Variants in TAFA1 observed in about 807,000 individuals in gnomAD.
The protein encoded by TAFA1 is chemokine-like protein TAFA-1.
Under a neutral mutation model 18.5 loss-of-function variants are expected in TAFA1, and 4 were observed. The ratio of observed to expected loss-of-function variants is 0.22; its 90% CI spans 0.11 to 0.49. The LOEUF (loss-of-function observed/expected upper bound fraction) is 0.49. Among genes scored for constraint, TAFA1 ranks in the 20% least tolerant of loss-of-function variants. The pLI, the probability that TAFA1 is intolerant of heterozygous loss-of-function variation, is 0.98. For missense variants in TAFA1, 147 were observed against 169.0 expected (o/e 0.87, Z 0.72); for synonymous variants, 56 against 55.2 (o/e 1.01, Z -0.06).
intron 2 of TAFA1, among the ~76,000 whole-genome samples, chr3:68,338,179 A>G (rs1372075645): frequency 6.6e-6 from 1 of 152,142 alleles, no homozygotes; most frequent in Non-Finnish European, 1.5e-5. Context: ...TTTAATTTTT[A>G]CTTATGTAAT....
intron 2 of TAFA1, among the ~76,000 whole-genome samples, chr3:68,223,087 C>T (rs2066752220): frequency 6.6e-6 from 1 of 152,044 alleles, no homozygotes; most frequent in Non-Finnish European, 1.5e-5. Context: ...TGGAAGAAAG[C>T]AAGTCTTTCA....
At chr3:68,428,613 C>T (rs1192381313) in intron 3 of TAFA1, among the ~76,000 whole-genome samples, 1 of 151,902 alleles carries the variant, frequency 6.6e-6, no homozygotes, top group Non-Finnish European at 1.5e-5. Context: ...GGAACACTCT[C>T]ACCCTCCCCA....
chr3:68,341,192 C>T (rs2069076030), intron 2 of TAFA1, among the ~76,000 whole-genome samples: 1 of 152,134 alleles, frequency 6.6e-6, no homozygotes, highest in Non-Finnish European at 1.5e-5. Context: ...TCAGTCTCTC[C>T]AAGCATTCCA....
intron 2 of TAFA1, among the ~76,000 whole-genome samples, chr3:68,083,181 A>T (rs2106780342): frequency 6.6e-6 from 1 of 152,318 alleles, no homozygotes; most frequent in African/African-American, 2.4e-5. Context: ...AGAGCTTCTA[A>T]AATCAGAGAA....
At chr3:68,254,071 G>C (rs1376187467) in intron 2 of TAFA1, among the ~76,000 whole-genome samples, 3 of 151,994 alleles carry the variant, frequency 2.0e-5, no homozygotes, top group Non-Finnish European at 4.4e-5. Context: ...CTATCTGTCT[G>C]TCTGTCTGTC....
intron 3 of TAFA1, among the ~76,000 whole-genome samples, chr3:68,534,767 T>C (rs559039740): frequency 6.6e-6 from 1 of 152,028 alleles, no homozygotes; most frequent in South Asian, 2.1e-4. Context: ...ATTTAGGAGG[T>C]ATTAATGCTT....
At chr3:68,049,735 G>A (rs942982271) in intron 2 of TAFA1, among the ~76,000 whole-genome samples, 4 of 152,020 alleles carry the variant, frequency 2.6e-5, no homozygotes, top group Admixed American at 2.0e-4. Flanking sequence ...TGGCAACACA[G>A]AAATTGACTG....
chr3:68,254,895 A>G (rs2067269133), intron 2 of TAFA1, among the ~76,000 whole-genome samples: 1 of 152,160 alleles, frequency 6.6e-6, no homozygotes, highest in South Asian at 2.1e-4. Context: ...CAGCCTACAC[A>G]GTACAATAAA....
intron 2 of TAFA1, among the ~76,000 whole-genome samples, chr3:68,263,659 G>T (rs560084122): frequency 6.6e-6 from 1 of 151,864 alleles, no homozygotes; most frequent in Non-Finnish European, 1.5e-5. Flanking sequence ...GTGGAGGGGC[G>T]GGGGGCGGTC....
intron 2 of TAFA1, among the ~76,000 whole-genome samples, chr3:68,226,042 G>A (rs1158442151): frequency 6.6e-6 from 1 of 152,198 alleles, no homozygotes; most frequent in East Asian, 1.9e-4. Flanking sequence ...GTCATTAGCA[G>A]AATTGAAATT....
At position 68,269,841 on chromosome 3, in the gene TAFA1, A is replaced by G. The variant is rs559113265; in HGVS notation, c.119-147439A>G. Among the ~76,000 whole-genome samples the G allele has an allele frequency of 2.5e-4, 38 of 152,304 alleles. 1 individual carries two copies. The highest frequency in any genetic ancestry group is 8.7e-4 in the African/African-American group (36 of 41,576). ...GCACAGCAACCAACCAATTTGAAGG[A>G]TTCTTTTTTTAATATTTAAGGGAAG... On this transcript the variant is annotated intron_variant, in intron 2 of 4. Coordinates refer to ENST00000478136, the MANE Select transcript of TAFA1 (RefSeq NM_213609.4).
intron 2 of TAFA1, among the ~76,000 whole-genome samples, chr3:68,249,837 G>A (rs1575707167): frequency 6.6e-6 from 1 of 152,112 alleles, no homozygotes; most frequent in Admixed American, 6.5e-5. Context: ...GAGATTTGTT[G>A]GGTTTTTTTG....
intron 2 of TAFA1, among the ~76,000 whole-genome samples, chr3:68,333,697 A>T (rs892071309): frequency 2.0e-5 from 3 of 152,010 alleles, no homozygotes; most frequent in Non-Finnish European, 4.4e-5. Context: ...AGGAAACGAA[A>T]TCAGTGAGTG....
intron 2 of TAFA1, among the ~76,000 whole-genome samples, chr3:68,060,200 G>GTT (rs1446248160): frequency 9.2e-5 from 11 of 119,708 alleles, no homozygotes; most frequent in Admixed American, 3.3e-4. Context: ...GTGTGTGTGT[G>GTT]TGTTTGTGTG....
At chr3:68,430,459 C>T (rs538695991) in intron 3 of TAFA1, among the ~76,000 whole-genome samples, 16 of 152,046 alleles carry the variant, frequency 1.1e-4, no homozygotes, top group South Asian at 4.2e-4. Context: ...GTCTCTATTA[C>T]GTAACATAGT....
intron 3 of TAFA1, among the ~76,000 whole-genome samples, chr3:68,459,219 G>T (rs2071727919): frequency 6.6e-6 from 1 of 152,168 alleles, no homozygotes; most frequent in Admixed American, 6.5e-5. Flanking sequence ...TGAGTGTCTT[G>T]TCCTGAGAGG....
chr3:68,173,350 A>G (rs1438312028), intron 2 of TAFA1, among the ~76,000 whole-genome samples: 4 of 147,636 alleles, frequency 2.7e-5, no homozygotes, highest in Non-Finnish European at 4.4e-5. Flanking sequence ...GTCATATTTA[A>G]TGGATGAATT....
intron 2 of TAFA1, among the ~76,000 whole-genome samples, chr3:68,251,946 G>A (rs566159571): frequency 7.2e-4 from 110 of 152,244 alleles, no homozygotes; most frequent in African/African-American, 1.6e-3. Context: ...CCCCATCATC[G>A]GGACTCACAC....
intron 2 of TAFA1, among the ~76,000 whole-genome samples, chr3:68,155,493 A>T (rs929974929): frequency 4.6e-5 from 7 of 152,124 alleles, no homozygotes; most frequent in African/African-American, 1.7e-4. Context: ...GTTATTTCAG[A>T]TGGAGCCATG....
Sources: allele counts gnomAD v4.1 joint callset (sites outside exome capture counted in the v4.1 genomes callset), GRCh38; gene constraint gnomAD v4.1.1; transcripts MANE v1.5; gene names NCBI Gene and HGNC (gene_info 2026-07-23, HGNC 2026-07-21).